Variants in TRIM71 observed in about 807,000 individuals in gnomAD.
TRIM71 encodes the protein tripartite motif containing 71.
A neutral mutation model predicts 61.2 loss-of-function variants in TRIM71; 9 were observed. The ratio of observed to expected loss-of-function variants is 0.15; its 90% CI spans 0.09 to 0.26. The LOEUF is 0.26. Ranked by LOEUF, TRIM71 falls within the 10% of genes least tolerant of loss-of-function variation. The pLI is 1.00. For synonymous variants in TRIM71, 645 were observed against 553.2 expected, an observed-to-expected ratio of 1.17 and a Z score of -2.33; for missense variants, 998 against 1,238.7, an observed-to-expected ratio of 0.81 and a Z score of 2.92.
intron 2 of TRIM71, among the ~76,000 whole-genome samples, chr3:32,884,606 T>C (rs1454419665): frequency 4.0e-5 from 6 of 151,648 alleles, no homozygotes; most frequent in Admixed American, 3.3e-4. Flanking sequence ...GACAGTAGAT[T>C]AGTGATCGCC....
rs920323105 is a variant in TRIM71, at chr3:32,894,351, C to T, written c.*2540C>T. 1 of 152,182 alleles carries T rather than the reference C, an allele frequency of 6.6e-6. No homozygotes were observed. The highest frequency in any genetic ancestry group is 1.5e-5 in the Non-Finnish European group (1 of 68,038). The allele number at this position is 152,182 out of a possible 1,614,324, so 9.4% of individuals were successfully genotyped here. A position where few individuals can be genotyped will look rare whatever the true frequency, so the allele number is the denominator to read the frequency against. On this transcript the variant is annotated 3_prime_UTR_variant, in exon 4 of 4. Coordinates refer to ENST00000383763, the MANE Select transcript of TRIM71 (RefSeq NM_001039111.3). Reference sequence around the variant, plus strand: ...AATGAGAAATGTTCTTGGTGCATAACAGTAACTAGAGCTCCTTATTTGACA... The same window carrying T: ...AATGAGAAATGTTCTTGGTGCATAATAGTAACTAGAGCTCCTTATTTGACA...
At chr3:32,837,115 AG>A (rs1251629712) in intron 1 of TRIM71, among the ~76,000 whole-genome samples, 1 of 152,174 alleles carries the variant, frequency 6.6e-6, no homozygotes, top group Non-Finnish European at 1.5e-5. Context: ...ACAACTTGCC[AG>A]TTTCACTCCC....
At chr3:32,827,881 G>T in intron 1 of TRIM71, among the ~76,000 whole-genome samples, 1 of 152,106 alleles carries the variant, frequency 6.6e-6, no homozygotes, top group Non-Finnish European at 1.5e-5. Context: ...TTTTCTTCTC[G>T]TCTTAACCTT....
chr3:32,825,222 T>A (rs1321161871), intron 1 of TRIM71, among the ~76,000 whole-genome samples: 2 of 152,186 alleles, frequency 1.3e-5, no homozygotes, highest in Non-Finnish European at 2.9e-5. Flanking sequence ...TTTATGTCTT[T>A]TCACTGAAAA....
At chr3:32,850,858 T>C (rs991638130) in intron 1 of TRIM71, among the ~76,000 whole-genome samples, 2 of 152,190 alleles carry the variant, frequency 1.3e-5, no homozygotes, top group African/African-American at 4.8e-5. Context: ...ACATGTTGCA[T>C]TGATCAGATC....
At chr3:32,820,023 A>C (rs993452690) in intron 1 of TRIM71, among the ~76,000 whole-genome samples, 2 of 152,170 alleles carry the variant, frequency 1.3e-5, no homozygotes, top group Admixed American at 6.5e-5. Context: ...CCCCGAACCC[A>C]ATGAAGGCAG....
chr3:32,823,787 C>T (rs1341089304), intron 1 of TRIM71, among the ~76,000 whole-genome samples: 5 of 147,722 alleles, frequency 3.4e-5, no homozygotes, highest in African/African-American at 5.0e-5. Context: ...GGGAAATCTT[C>T]CTAAAAGTGT....
chr3:32,837,649 C>G (rs1311893479), intron 1 of TRIM71, among the ~76,000 whole-genome samples: 1 of 152,064 alleles, frequency 6.6e-6, no homozygotes, highest in African/African-American at 2.4e-5. Flanking sequence ...GAAACCCCCT[C>G]CCTACTAAAA....
chr3:32,845,008 A>T (rs867641605), intron 1 of TRIM71, among the ~76,000 whole-genome samples: 2 of 152,226 alleles, frequency 1.3e-5, no homozygotes, highest in South Asian at 2.1e-4. Flanking sequence ...TCTGCCTTCA[A>T]CACAAACAAG....
chr3:32,835,052 GT>G (rs1696319894), intron 1 of TRIM71, among the ~76,000 whole-genome samples: 1 of 152,110 alleles, frequency 6.6e-6, no homozygotes, highest in African/African-American at 2.4e-5. Context: ...ATCAAAAAAG[GT>G]ATGTAAAACA....
chr3:32,867,018 G>A (rs901624731), intron 1 of TRIM71, among the ~76,000 whole-genome samples: 2 of 152,120 alleles, frequency 1.3e-5, no homozygotes, highest in Admixed American at 1.3e-4. Context: ...CAGCAGTTGC[G>A]ATGAGTTCAG....
chr3:32,847,018 T>A (rs1263490387), intron 1 of TRIM71, among the ~76,000 whole-genome samples: 1 of 152,122 alleles, frequency 6.6e-6, no homozygotes, highest in Non-Finnish European at 1.5e-5. Context: ...GAAGTGGGAT[T>A]GCTGGATCAT....
Position 32,818,008 on chromosome 3 carries a change from C to A in TRIM71, c.-73C>A. 1 of 1,424,564 alleles carries A rather than the reference C, an allele frequency of 7.0e-7. No individual in the cohort carries two copies. The highest frequency in any genetic ancestry group is 9.8e-7 in the Non-Finnish European group (1 of 1,024,906). The allele number at this position is 1,424,564 out of a possible 1,614,324, so 88.2% of individuals were successfully genotyped here. A position where few individuals can be genotyped will look rare whatever the true frequency, so the allele number is the denominator to read the frequency against. ...TGAGTGAGTCGGTGACTCCCCCACC[C>A]ACCTCGTCCGCTCTCTCCTCCTCCT... On this transcript the variant is annotated 5_prime_UTR_variant, in exon 1 of 4. Transcript: ENST00000383763.
At chr3:32,853,574 A>T (rs1445328860) in intron 1 of TRIM71, among the ~76,000 whole-genome samples, 1 of 152,230 alleles carries the variant, frequency 6.6e-6, no homozygotes, top group Non-Finnish European at 1.5e-5. Flanking sequence ...CTGGATGAAC[A>T]TCTAAAGATT....
intron 1 of TRIM71, among the ~76,000 whole-genome samples, chr3:32,858,379 T>C (rs922192062): frequency 6.6e-6 from 1 of 152,222 alleles, no homozygotes; most frequent in African/African-American, 2.4e-5. Flanking sequence ...GTTTTTTCTT[T>C]CAAGGCTTTT....
intron 3 of TRIM71, among the ~76,000 whole-genome samples, chr3:32,889,376 CA>C (rs1231567781): frequency 2.0e-5 from 3 of 152,132 alleles, no homozygotes; most frequent in Non-Finnish European, 2.9e-5. Context: ...CTCCTAGGCT[CA>C]AGTGATTCTT....
At position 32,890,664 on chromosome 3, in the gene TRIM71, C is replaced by G; in HGVS notation, c.1460C>G (p.Thr487Ser). 1 of 1,613,970 alleles carries G rather than the reference C, an allele frequency of 6.2e-7. No individual in the cohort carries two copies. Among genetic ancestry groups the G allele is most frequent in the Non-Finnish European group, 8.5e-7 (1 of 1,180,038 alleles). Residue 487 changes from threonine (T) to serine (S), a missense_variant, in exon 4 of 4, where the codon ACC becomes AGC. Transcript: ENST00000383763. This position sits in a 1 kb window ranked among gnomAD's most constrained non-coding sequence, Gnocchi z 6.2. ...FVSSGAFAPLTKATGDGLKRA... is the reference protein window; with the variant it reads ...FVSSGAFAPLSKATGDGLKRA... The stretch of plus-strand genomic sequence containing the variant: ...AGCAGCGGGGCCTTTGCCCCACTCA[C>G]CAAGGCCACAGGCGATGGCCTCAAG...
chr3:32,848,005 T>C (rs1218833220), intron 1 of TRIM71, among the ~76,000 whole-genome samples: 1 of 152,224 alleles, frequency 6.6e-6, no homozygotes, highest in East Asian at 1.9e-4. Flanking sequence ...TCATGGGTTG[T>C]CTGCAAATAC....
intron 1 of TRIM71, among the ~76,000 whole-genome samples, chr3:32,851,069 A>G (rs1384263322): frequency 6.6e-6 from 1 of 152,130 alleles, no homozygotes; most frequent in Non-Finnish European, 1.5e-5. Flanking sequence ...GCTTTTTAGA[A>G]AGCTCCGCTT....
Sources: allele counts gnomAD v4.1 joint callset (sites outside exome capture counted in the v4.1 genomes callset), GRCh38; gene constraint gnomAD v4.1.1; non-coding constraint Gnocchi (gnomAD v3.1); transcripts MANE v1.5; gene names NCBI Gene and HGNC (gene_info 2026-07-23, HGNC 2026-07-21).